The following NRXN3 variants were observed in gnomAD, a reference collection of about 807,000 sequenced individuals.
NRXN3 encodes neurexin 3.
NRXN3 carries 32 observed loss-of-function variants against 137.6 expected under a neutral mutation model. The observed-to-expected ratio is 0.23, with a 90% CI of 0.18 to 0.31. The LOEUF (loss-of-function observed/expected upper bound fraction) is 0.31. NRXN3 is among the 10% of genes least tolerant of loss of function. The pLI is 1.00. For missense variants in NRXN3, 1,574 were observed against 2,062.5 expected (o/e 0.76, Z 4.59); for synonymous variants, 798 against 784.5 (o/e 1.02, Z -0.29).
chr14:79,032,694 T>C (rs2099610015), intron 15 of NRXN3, among the ~76,000 whole-genome samples: 2 of 152,198 alleles, frequency 1.3e-5, no homozygotes, highest in Non-Finnish European at 2.9e-5. Flanking sequence ...AGTTAGTTCT[T>C]CTAGCAATAC....
In NRXN3 at chr14:79,203,979, T is replaced by C. The variant is rs143651681; in HGVS notation, c.3262+215838T>C. Among the ~76,000 whole-genome samples, 24 of 152,166 alleles carry C rather than the reference T, an allele frequency of 1.6e-4. No homozygotes were observed. The East Asian group carries it at 4.5e-3, about 28-fold the overall frequency. ...GTATAAACACTCCCACCAAAGCTTT[T>C]GAGCTACCATCATGGCATCATGAAA... On this transcript the variant is annotated intron_variant, in intron 15 of 20. Transcript: ENST00000335750.
rs910696098 is a variant in NRXN3 at position 78,882,706 on chromosome 14, G to A, written c.2275+72362G>A. On this transcript the variant is annotated intron_variant, in intron 10 of 20. Coordinates refer to ENST00000335750, the MANE Select transcript of NRXN3 (RefSeq NM_001330195.2). ...AGGTGGAAAGGACTTGCCTTGTCTC[G>A]GATGAGACTTTGGACTTGGACTTTT... is the stretch of plus-strand genomic sequence containing the variant. Among the ~76,000 whole-genome samples, 44 of 151,544 alleles carry A rather than the reference G, an allele frequency of 2.9e-4. 1 individual carries two copies. The highest frequency in any genetic ancestry group is 7.6e-4 in the African/African-American group (31 of 40,910).
intron 4 of NRXN3, among the ~76,000 whole-genome samples, chr14:78,605,750 A>G (rs768160768): frequency 4.6e-5 from 7 of 152,228 alleles, no homozygotes; most frequent in Non-Finnish European, 7.3e-5. Context: ...ATCACATTTT[A>G]TACGTGTTAA....
At chr14:78,205,362 C>T (rs2062084395) in intron 1 of NRXN3, among the ~76,000 whole-genome samples, 1 of 152,196 alleles carries the variant, frequency 6.6e-6, no homozygotes, top group African/African-American at 2.4e-5. Context: ...ACCCAGAGTA[C>T]CACTGGCATG....
intron 8 of NRXN3, among the ~76,000 whole-genome samples, chr14:78,784,515 G>A (rs34227124): frequency 0.071 from 10,829 of 152,192 alleles, 503 homozygotes; most frequent in South Asian, 0.19. Context: ...AGACTGTCTG[G>A]CCAAACCTGG....
intron 1 of NRXN3, among the ~76,000 whole-genome samples, chr14:78,201,627 GA>G (rs774481381): frequency 7.2e-5 from 11 of 152,224 alleles, no homozygotes; most frequent in Admixed American, 7.2e-4. Flanking sequence ...TTCTACGTCA[GA>G]GTGAGAGAAC....
chr14:79,706,385 G>A (rs939329018), intron 19 of NRXN3, among the ~76,000 whole-genome samples: 2 of 149,874 alleles, frequency 1.3e-5, no homozygotes, highest in Admixed American at 6.6e-5. Flanking sequence ...AAAATTACTT[G>A]GTAAGGATGG....
chr14:78,831,466 C>T (rs577253024), intron 10 of NRXN3, among the ~76,000 whole-genome samples: 7 of 126,336 alleles, frequency 5.5e-5, no homozygotes, highest in East Asian at 5.4e-4. Context: ...ACCCAGGAGG[C>T]GGACGTTGCA....
At chr14:78,488,266 A>T (rs2153746932) in intron 4 of NRXN3, among the ~76,000 whole-genome samples, 1 of 152,340 alleles carries the variant, frequency 6.6e-6, no homozygotes, top group Admixed American at 6.5e-5. Flanking sequence ...ATACAGTCAC[A>T]TTCTGAGGTC....
intron 10 of NRXN3, among the ~76,000 whole-genome samples, chr14:78,847,376 C>A (rs571040393): frequency 6.6e-6 from 1 of 152,218 alleles, no homozygotes; most frequent in East Asian, 1.9e-4. Context: ...ACTCAAATTG[C>A]ATCTTGCCCA....
intron 1 of NRXN3, among the ~76,000 whole-genome samples, chr14:78,234,245 TA>T (rs1300033085): frequency 6.6e-6 from 1 of 152,220 alleles, no homozygotes; most frequent in African/African-American, 2.4e-5. Context: ...GAGAATGGAC[TA>T]ATACATCCCA....
At chr14:79,179,219 A>G (rs1347516945) in intron 15 of NRXN3, among the ~76,000 whole-genome samples, 1 of 152,164 alleles carries the variant, frequency 6.6e-6, no homozygotes, top group African/African-American at 2.4e-5. Flanking sequence ...CCTTAACTAG[A>G]CATATACAAA....
intron 19 of NRXN3, among the ~76,000 whole-genome samples, chr14:79,745,235 C>G (rs750910677): frequency 2.5e-4 from 38 of 152,062 alleles, no homozygotes; most frequent in Non-Finnish European, 5.1e-4. Flanking sequence ...GAAATAGGCT[C>G]TAGGGATGCT....
At chr14:79,431,376 A>G (rs1052520367) in intron 15 of NRXN3, among the ~76,000 whole-genome samples, 1 of 152,206 alleles carries the variant, frequency 6.6e-6, no homozygotes, top group Non-Finnish European at 1.5e-5. Flanking sequence ...TCAAAACTGT[A>G]GAATATAGTA....
At chr14:79,020,420 C>T (rs1303416222) in intron 15 of NRXN3, among the ~76,000 whole-genome samples, 1 of 143,050 alleles carries the variant, frequency 7.0e-6, no homozygotes. Flanking sequence ...CATGTGCCAC[C>T]ACGCCTGGCT....
chr14:79,655,450 C>T (rs1351187483), intron 16 of NRXN3, among the ~76,000 whole-genome samples: 6 of 152,216 alleles, frequency 3.9e-5, no homozygotes, highest in African/African-American at 7.2e-5. Flanking sequence ...AAAATTCACA[C>T]GTGCGTGCTC....
intron 16 of NRXN3, among the ~76,000 whole-genome samples, chr14:79,569,602 CGTGTGTGTGTGTGT>C (rs3061386): frequency 6.9e-6 from 1 of 145,514 alleles, no homozygotes; most frequent in Non-Finnish European, 1.5e-5. Flanking sequence ...GAATGAGCAA[CGTGTGTGTGTGTGT>C]GTGTGTGTGT....
chr14:79,674,262 T>A (rs1214241425), intron 17 of NRXN3, among the ~76,000 whole-genome samples: 2 of 150,204 alleles, frequency 1.3e-5, no homozygotes, highest in Non-Finnish European at 1.5e-5. Flanking sequence ...TTTACTTAAA[T>A]TTTTTTTTTA....
chr14:78,842,309 G>T (rs2099014717), intron 10 of NRXN3, among the ~76,000 whole-genome samples: 1 of 152,068 alleles, frequency 6.6e-6, no homozygotes, highest in South Asian at 2.1e-4. Flanking sequence ...ACAAAAGAGA[G>T]AAATTTTAAA....
Sources: allele counts gnomAD v4.1 joint callset (sites outside exome capture counted in the v4.1 genomes callset), GRCh38; gene constraint gnomAD v4.1.1; transcripts MANE v1.5; gene names NCBI Gene and HGNC (gene_info 2026-07-23, HGNC 2026-07-21).